Variants in MAGI2 observed in about 807,000 individuals in gnomAD.
MAGI2 encodes membrane associated guanylate kinase, WW and PDZ domain containing 2, also known as membrane-associated guanylate kinase, WW and PDZ domain-containing protein 2.
MAGI2 carries 35 observed loss-of-function variants against 133.3 expected under a neutral mutation model. That is an observed-to-expected ratio of 0.26 (90% CI 0.20 to 0.35). MAGI2 has a LOEUF of 0.35. Ranked by LOEUF, MAGI2 falls within the 10% of genes least tolerant of loss-of-function variation. The pLI, the probability that MAGI2 is intolerant of heterozygous loss-of-function variation, is 1.00. For synonymous variants in MAGI2, 729 were observed against 710.6 expected (o/e 1.03, Z -0.41); for missense variants, 1,636 against 1,863.4 (o/e 0.88, Z 2.25).
In MAGI2 at chr7:78,931,050, C is replaced by T. The variant is rs551937505; in HGVS notation, c.418+76040G>A. Reference sequence around the variant, plus strand: ...AAAAAAAGTGATCATGAAGAATTAACGCAGAAGCAGTGACAGATTAGTTGG... The same window carrying T: ...AAAAAAAGTGATCATGAAGAATTAATGCAGAAGCAGTGACAGATTAGTTGG... On this transcript the variant is annotated intron_variant, in intron 2 of 21. Transcript: ENST00000354212. Among the ~76,000 whole-genome samples, 859 of 152,132 alleles carry T rather than the reference C, an allele frequency of 5.6e-3. 10 individuals are homozygous for T. Among genetic ancestry groups the T allele is most frequent in the Non-Finnish European group, 7.5e-3 (513 of 67,970 alleles).
chr7:78,038,904 G>A (rs1002128786), intron 21 of MAGI2, among the ~76,000 whole-genome samples: 2 of 152,252 alleles, frequency 1.3e-5, no homozygotes, highest in Non-Finnish European at 2.9e-5. Flanking sequence ...TACCGGCATA[G>A]CCAGGACAGG....
At chr7:79,419,491 G>A (rs1287725354) in intron 1 of MAGI2, among the ~76,000 whole-genome samples, 1 of 151,960 alleles carries the variant, frequency 6.6e-6, no homozygotes, top group African/African-American at 2.4e-5. Context: ...ACTTAAGTAG[G>A]GACAAAATGT....
At chr7:78,525,494 C>A (rs1045329281) in intron 3 of MAGI2, among the ~76,000 whole-genome samples, 1 of 151,956 alleles carries the variant, frequency 6.6e-6, no homozygotes, top group Non-Finnish European at 1.5e-5. Context: ...AGTATGTTTT[C>A]AGAAAAAAAT....
intron 1 of MAGI2, among the ~76,000 whole-genome samples, chr7:79,048,291 T>A (rs931251577): frequency 6.6e-6 from 1 of 152,184 alleles, no homozygotes; most frequent in African/African-American, 2.4e-5. Flanking sequence ...AATTCCTTTT[T>A]ACTACCTAGG....
intron 7 of MAGI2, among the ~76,000 whole-genome samples, chr7:78,364,979 G>T (rs1157462075): frequency 6.6e-6 from 1 of 152,198 alleles, no homozygotes; most frequent in Non-Finnish European, 1.5e-5. Flanking sequence ...CATAGAGTGA[G>T]AACTTGGTCT....
intron 9 of MAGI2, among the ~76,000 whole-genome samples, chr7:78,341,007 A>C (rs1297881467): frequency 6.6e-6 from 1 of 152,214 alleles, no homozygotes. Flanking sequence ...GAAAAAGAGG[A>C]AGTCAAATAG....
At chr7:78,462,619 CA>C (rs1436924587) in intron 6 of MAGI2, among the ~76,000 whole-genome samples, 1 of 152,140 alleles carries the variant, frequency 6.6e-6, no homozygotes, top group African/African-American at 2.4e-5. Flanking sequence ...GGAAGCAAAT[CA>C]ATGAACATGG....
chr7:78,453,330 T>C (rs1262359303), intron 6 of MAGI2, among the ~76,000 whole-genome samples: 1 of 152,178 alleles, frequency 6.6e-6, no homozygotes, highest in Non-Finnish European at 1.5e-5. Context: ...TAAGGGAAGC[T>C]CTTTCTTCAG....
At chr7:79,099,107 T>C (rs1181049813) in intron 1 of MAGI2, among the ~76,000 whole-genome samples, 3 of 152,254 alleles carry the variant, frequency 2.0e-5, no homozygotes, top group East Asian at 3.9e-4. Context: ...ATTAAATAAA[T>C]TTAAATTCAA....
intron 2 of MAGI2, among the ~76,000 whole-genome samples, chr7:78,823,838 C>A (rs936999345): frequency 2.0e-5 from 3 of 151,952 alleles, no homozygotes; most frequent in Admixed American, 2.0e-4. Flanking sequence ...TCCAAATATT[C>A]ATTGATGTTA....
intron 2 of MAGI2, among the ~76,000 whole-genome samples, chr7:78,962,300 G>A (rs530020475): frequency 2.0e-5 from 3 of 151,952 alleles, no homozygotes; most frequent in Admixed American, 6.6e-5. Flanking sequence ...TCAGAGGTCC[G>A]GATCCAAGTC....
chr7:78,431,429 G>T (rs1049529532), intron 6 of MAGI2, among the ~76,000 whole-genome samples: 2 of 152,076 alleles, frequency 1.3e-5, no homozygotes, highest in Admixed American at 1.3e-4. Flanking sequence ...GAAGCAGACT[G>T]TACTTTCTCA....
chr7:78,406,437 A>G (rs1248137451), intron 6 of MAGI2, among the ~76,000 whole-genome samples: 1 of 152,104 alleles, frequency 6.6e-6, no homozygotes, highest in Non-Finnish European at 1.5e-5. Context: ...AATTAATCAC[A>G]TATTTTCCCC....
At chr7:79,314,163 G>C (rs1402611083) in intron 1 of MAGI2, among the ~76,000 whole-genome samples, 1 of 152,092 alleles carries the variant, frequency 6.6e-6, no homozygotes. Context: ...TAGTAGAGAC[G>C]GGGTTTCATC....
At chr7:79,423,367 C>G (rs1003270914) in intron 1 of MAGI2, among the ~76,000 whole-genome samples, 2 of 137,382 alleles carry the variant, frequency 1.5e-5, no homozygotes, top group Non-Finnish European at 3.0e-5. Context: ...CCAAAATCAT[C>G]TGATTTCAAA....
At chr7:78,926,235 A>T (rs1281812836) in intron 2 of MAGI2, among the ~76,000 whole-genome samples, 1 of 151,980 alleles carries the variant, frequency 6.6e-6, no homozygotes, top group Non-Finnish European at 1.5e-5. Flanking sequence ...AAGATCCTTG[A>T]AGAAATTAAA....
At chr7:78,915,281 A>C (rs1039247418) in intron 2 of MAGI2, among the ~76,000 whole-genome samples, 2 of 152,126 alleles carry the variant, frequency 1.3e-5, no homozygotes, top group Non-Finnish European at 2.9e-5. Context: ...CAAATACAAT[A>C]TCTGAAATTT....
At chr7:79,442,516 C>G (rs754516799) in intron 1 of MAGI2, among the ~76,000 whole-genome samples, 9 of 150,386 alleles carry the variant, frequency 6.0e-5, no homozygotes, top group Non-Finnish European at 1.3e-4. Context: ...CAGAACAAAT[C>G]TGTTGTTCAC....
chr7:78,992,779 A>G (rs567263178), intron 2 of MAGI2, among the ~76,000 whole-genome samples: 1 of 152,180 alleles, frequency 6.6e-6, no homozygotes, highest in South Asian at 2.1e-4. Context: ...GAGGCAAAGA[A>G]ATAATGTTAG....
Sources: allele counts gnomAD v4.1 joint callset (sites outside exome capture counted in the v4.1 genomes callset), GRCh38; gene constraint gnomAD v4.1.1; transcripts MANE v1.5; gene names NCBI Gene and HGNC (gene_info 2026-07-23, HGNC 2026-07-21).